MBTD1: variants seen among roughly 807,000 people sequenced by gnomAD.
MBTD1 encodes mbt domain containing 1, also known as MBT domain-containing protein 1.
A neutral mutation model predicts 87.8 loss-of-function variants in MBTD1; 24 were observed. The ratio of observed to expected loss-of-function variants is 0.27; its 90% confidence interval spans 0.20 to 0.38. MBTD1 has a LOEUF of 0.38. Ranked by LOEUF, MBTD1 falls within the 10% of genes least tolerant of loss-of-function variation. MBTD1 has a pLI of 1.00. For missense variants in MBTD1, 436 were observed against 760.2 expected, an observed-to-expected ratio of 0.57 and a Z score of 5.02; for synonymous variants, 237 against 248.6, an observed-to-expected ratio of 0.95 and a Z score of 0.44.
At chr17:51,236,689 T>A (rs558305148) in intron 2 of MBTD1, among the ~76,000 whole-genome samples, 6 of 152,224 alleles carry the variant, frequency 3.9e-5, no homozygotes, top group African/African-American at 1.4e-4. Context: ...CCTACCTCCA[T>A]CACCTCTCTC....
At chr17:51,188,657 G>A (rs1000060508) in intron 16 of MBTD1, among the ~76,000 whole-genome samples, 1 of 149,496 alleles carries the variant, frequency 6.7e-6, no homozygotes, top group African/African-American at 2.5e-5. Context: ...CTGAGTAATA[G>A]AAAAAAATAA....
At chr17:51,199,939 C>T (rs757225069) in intron 12 of MBTD1, among the ~76,000 whole-genome samples, 4 of 152,046 alleles carry the variant, frequency 2.6e-5, no homozygotes, top group African/African-American at 7.2e-5. Flanking sequence ...ATTCTCCTGC[C>T]GCAGTCTCCT....
At chr17:51,183,201 C>T (rs890788704) in intron 16 of MBTD1, 10 of 132,818 alleles carry the variant, frequency 7.5e-5, no homozygotes, top group African/African-American at 2.6e-4. Flanking sequence ...AAGATAGTCT[C>T]GCTCTGTCAC....
At chr17:51,204,074 A>G (rs868350061) in intron 7 of MBTD1, 149 bp from the exon 8 acceptor site, 137 of 656,068 alleles carry the variant, frequency 2.1e-4, no homozygotes, top group South Asian at 7.1e-4. Context: ...GTCTCACTCC[A>G]GAGATTCTGA....
chr17:51,236,981 C>T (rs981568593), intron 2 of MBTD1, among the ~76,000 whole-genome samples: 1 of 150,838 alleles, frequency 6.6e-6, no homozygotes, highest in Non-Finnish European at 1.5e-5. Context: ...TTAGCTATGA[C>T]AAAAAAAATA....
upstream of MBTD1, chr17:51,260,256 A>AT (rs1411118568): frequency 1.8e-5 from 8 of 455,562 alleles, no homozygotes; most frequent in Admixed American, 3.2e-4. Flanking sequence ...CAGAAGTTCC[A>AT]TTCAGCCGTC....
intron 1 of MBTD1, among the ~76,000 whole-genome samples, chr17:51,259,496 C>T (rs1240225981): frequency 6.6e-6 from 1 of 152,118 alleles, no homozygotes; most frequent in Non-Finnish European, 1.5e-5. Flanking sequence ...CCCTGGGTGG[C>T]TAAAAAAGGA....
rs1353527824 is a variant in MBTD1 at position 51,246,876 on chromosome 17, G to A, written c.-49+12267C>T. Reference sequence around the variant, plus strand: ...GCTGGTCTTGAACTCCTGACCTCAGGTGATCCGCCCGCCTCAGCCTCCCAA... The same window carrying A: ...GCTGGTCTTGAACTCCTGACCTCAGATGATCCGCCCGCCTCAGCCTCCCAA... On this transcript the variant is annotated intron_variant, in intron 2 of 16. Coordinates refer to ENST00000586178, the MANE Select transcript of MBTD1 (RefSeq NM_017643.3). 3.3e-5 allele frequency among the ~76,000 whole-genome samples: 5 copies of A among 152,102 alleles called. No homozygotes were observed. In the East Asian group the frequency reaches 5.8e-4, roughly 18 times the overall value.
intron 3 of MBTD1, among the ~76,000 whole-genome samples, chr17:51,224,415 T>C (rs2053093616): frequency 6.6e-6 from 1 of 152,244 alleles, no homozygotes; most frequent in African/African-American, 2.4e-5. Flanking sequence ...AGCAAAACTT[T>C]CCAGACTCCC....
chr17:51,245,984 A>G (rs951194214), intron 2 of MBTD1, among the ~76,000 whole-genome samples: 1 of 152,164 alleles, frequency 6.6e-6, no homozygotes, highest in South Asian at 2.1e-4. Context: ...ATGTCTTTCC[A>G]TTTGTTCAAG....
chr17:51,251,145 A>G (rs1198738247), intron 2 of MBTD1: 6 of 152,118 alleles, frequency 3.9e-5, no homozygotes, highest in African/African-American at 1.4e-4. Context: ...TGATGGGGGT[A>G]GATTTTCATC....
chr17:51,180,809 GTTAATT>G (rs1489687179), intron 16 of MBTD1, 115 bp from the exon 17 acceptor site: 10 of 669,050 alleles, frequency 1.5e-5, no homozygotes, highest in Non-Finnish European at 2.6e-5. Context: ...CATTTCTTCA[GTTAATT>G]TTAATTTTCC....
At chr17:51,228,316 A>G (rs1470998607) in intron 2 of MBTD1, among the ~76,000 whole-genome samples, 1 of 152,172 alleles carries the variant, frequency 6.6e-6, no homozygotes, top group African/African-American at 2.4e-5. Context: ...AATCTGTTCG[A>G]CAAACCCCCA....
Position 51,259,161 on chromosome 17 carries a change from C to T in MBTD1, c.-67G>A. The T allele has an allele frequency of 1.2e-6, 1 of 827,902 alleles. No homozygotes were observed. The highest frequency in any genetic ancestry group is 1.6e-6 in the Non-Finnish European group (1 of 618,438). The allele number at this position is 827,902 out of a possible 1,614,324, so 51.3% of individuals were successfully genotyped here. ...TACCTACCACTTGTCAGAGAGGCTG[C>T]AGAGGGGACGGCTGCTTTGGATGAC... is the stretch of plus-strand genomic sequence containing the variant. On this transcript the variant is annotated 5_prime_UTR_variant, in exon 2 of 17. Transcript: ENST00000586178.
At chr17:51,189,474 T>TG (rs1350657265) in intron 16 of MBTD1, among the ~76,000 whole-genome samples, 1 of 152,206 alleles carries the variant, frequency 6.6e-6, no homozygotes, top group African/African-American at 2.4e-5. Flanking sequence ...CACTAAAAAC[T>TG]GGGGTGCTAA....
rs570905687 is a variant in MBTD1, at chr17:51,195,435, A to G, written c.1225-74T>C. 180 of 1,227,082 alleles carry G rather than the reference A, an allele frequency of 1.5e-4. No homozygotes were observed. The African/African-American group carries it at 2.5e-3, about 17-fold the overall frequency. The allele number at this position is 1,227,082 out of a possible 1,614,324, so 76.0% of individuals were successfully genotyped here. On this transcript the variant is annotated intron_variant, in intron 12 of 16. Coordinates refer to ENST00000586178, the MANE Select transcript of MBTD1 (RefSeq NM_017643.3). ...ATAAAAATAATACTTTGACATTCTA[A>G]AAGAAAGGAAAATCTATTATATAAA...
At chr17:51,181,835 G>C (rs1393924607) in intron 16 of MBTD1, among the ~76,000 whole-genome samples, 1 of 152,180 alleles carries the variant, frequency 6.6e-6, no homozygotes, top group Non-Finnish European at 1.5e-5. Context: ...GTATAGCCAT[G>C]TTTCCGTAGG....
At position 51,224,204 on chromosome 17, in the gene MBTD1, C is replaced by G. The variant is rs114717175; in HGVS notation, c.154+804G>C. On this transcript the variant is annotated intron_variant, in intron 3 of 16. Transcript: ENST00000586178. ...ATCAGGATGACTTGTTACCCTACTA[C>G]CACATAATCTGAAGTATCCCCAGAA... Among the ~76,000 whole-genome samples, 431 of 152,274 alleles carry G rather than the reference C, an allele frequency of 2.8e-3. 1 individual carries two copies. The highest frequency in any genetic ancestry group is 9.8e-3 in the African/African-American group (408 of 41,556).
chr17:51,259,148 G>T lies in MBTD1; in HGVS notation c.-54C>A. 2 of 687,108 alleles carry T rather than the reference G, an allele frequency of 2.9e-6. No homozygotes were observed. The highest frequency in any genetic ancestry group is 4.1e-6 in the Non-Finnish European group (2 of 489,864). The allele number at this position is 687,108 out of a possible 1,614,324, so 42.6% of individuals were successfully genotyped here. ...GCAGGGTTCAGACTACCTACCACTT[G>T]TCAGAGAGGCTGCAGAGGGGACGGC... On this transcript the variant is annotated 5_prime_UTR_variant, in exon 2 of 17. Transcript: ENST00000586178.
Sources: gnomAD v4.1 joint callset for allele counts (sites outside exome capture counted in the v4.1 genomes callset) on GRCh38, gnomAD v4.1.1 for gene constraint, MANE v1.5 for transcripts, NCBI Gene and HGNC (gene_info 2026-07-23, HGNC 2026-07-21) for gene names.